Variants in AMZ1 observed in about 807,000 individuals in gnomAD.
The protein encoded by AMZ1 is archaemetzincin-1.
AMZ1 carries 39 observed loss-of-function variants against 29.9 expected under a neutral mutation model. That is an observed-to-expected ratio of 1.30 (90% CI 1.01 to 1.70). The LOEUF (loss-of-function observed/expected upper bound fraction) is 1.70, where lower values mean the gene tolerates loss of function less well. AMZ1 is among the 40% of genes most tolerant of loss of function. The pLI is 0.00. For synonymous variants in AMZ1, 458 were observed against 304.0 expected (o/e 1.51, Z -5.27); for missense variants, 1,041 against 680.6 (o/e 1.53, Z -5.89).
chr7:2,709,055 TTCTCTCCA>T lies in AMZ1; in HGVS notation c.602-13_602-6del, dbSNP rs1788564688. On this transcript the variant is annotated splice_polypyrimidine_tract_variant and intron_variant, in intron 4 of 6. Coordinates refer to ENST00000683327, the MANE Select transcript of AMZ1 (RefSeq NM_001384743.1). ...CCAAGGCTGACCCCTGAGAGTGCCC[TTCTCTCCA>T]TCTCTCTCCAGAAGTGGGCGTCTGC... 1 of 1,552,740 alleles carries T rather than the reference TTCTCTCCA, an allele frequency of 6.4e-7. No homozygotes were observed.
At chr7:2,695,268 C>T (rs1448247698) in intron 1 of AMZ1, among the ~76,000 whole-genome samples, 1 of 152,160 alleles carries the variant, frequency 6.6e-6, no homozygotes, top group Non-Finnish European at 1.5e-5. Flanking sequence ...GCCAGGACTG[C>T]CCTGTGCACT....
chr7:2,690,124 G>A (rs773304948), intron 1 of AMZ1, among the ~76,000 whole-genome samples: 14 of 152,220 alleles, frequency 9.2e-5, no homozygotes, highest in Non-Finnish European at 1.6e-4. Flanking sequence ...GATGGAGGGA[G>A]CTAAGCGTTC....
At chr7:2,763,030 GGA>G, upstream of AMZ1, 1 of 1,260,876 alleles carries the variant, frequency 7.9e-7, no homozygotes, top group Non-Finnish European at 1.0e-6. Flanking sequence ...CACTGGCCCA[GGA>G]CTCAGCGTGC....
exon 1 of AMZ1, chr7:2,764,867 A>C (rs929149362): frequency 6.6e-6 from 1 of 152,224 alleles, no homozygotes; most frequent in African/African-American, 2.4e-5. Flanking sequence ...TTAGTGAATG[A>C]GGTCCTCAGA....
At chr7:2,752,651 C>T (rs540841295) in intron 4 of AMZ1, among the ~76,000 whole-genome samples, 1 of 152,324 alleles carries the variant, frequency 6.6e-6, no homozygotes, top group Admixed American at 6.5e-5. Context: ...GTTTTACATA[C>T]TGCCAATAAC....
chr7:2,721,874 T>TTAAAC (rs1188370501), downstream of AMZ1, among the ~76,000 whole-genome samples: 1 of 152,136 alleles, frequency 6.6e-6, no homozygotes, highest in African/African-American at 2.4e-5. Flanking sequence ...ACAAAACATG[T>TTAAAC]TAAACTAACC....
chr7:2,732,922 A>G (rs1789973926), intron 4 of AMZ1, among the ~76,000 whole-genome samples: 1 of 152,262 alleles, frequency 6.6e-6, no homozygotes, highest in Admixed American at 6.5e-5. Context: ...ATCAACATGA[A>G]AACATTAATG....
At chr7:2,725,235 C>T (rs569771200) in intron 4 of AMZ1, among the ~76,000 whole-genome samples, 19 of 152,328 alleles carry the variant, frequency 1.2e-4, no homozygotes, top group East Asian at 9.6e-4. Flanking sequence ...CTCAGGTCCT[C>T]CGGGTTCAGG....
At chr7:2,705,160 T>C (rs1009496625) in intron 3 of AMZ1, among the ~76,000 whole-genome samples, 2 of 152,246 alleles carry the variant, frequency 1.3e-5, no homozygotes, top group Non-Finnish European at 2.9e-5. Context: ...TTTTTCACCA[T>C]AGAGGATTTT....
At position 2,716,450 on chromosome 7, in the gene AMZ1, C is replaced by T. The variant is rs751344402; in HGVS notation, c.*3572C>T. 1.2e-4 allele frequency: 19 copies of T among 152,206 alleles called. No individual in the cohort carries two copies. The highest frequency in any genetic ancestry group is 4.6e-4 in the African/African-American group (19 of 41,438). 9.4% of individuals were successfully genotyped at this position (152,206 alleles called of 1,614,324 possible). On this transcript the variant is annotated 3_prime_UTR_variant, in exon 7 of 7. Transcript: ENST00000683327. ...AGCATGGGTGAGGAGGGAGGGATGCCGACCTGTTAATATTTGCTTCAGACC... is the reference window on the plus strand; with the variant it reads ...AGCATGGGTGAGGAGGGAGGGATGCTGACCTGTTAATATTTGCTTCAGACC...
intron 4 of AMZ1, among the ~76,000 whole-genome samples, chr7:2,740,259 T>G (rs1790431707): frequency 6.6e-6 from 1 of 152,196 alleles, no homozygotes; most frequent in African/African-American, 2.4e-5. Context: ...GCTCCCAGAA[T>G]TCCCATGTGG....
At chr7:2,686,728 T>C (rs1222013843), upstream of AMZ1, among the ~76,000 whole-genome samples, 1 of 152,002 alleles carries the variant, frequency 6.6e-6, no homozygotes, top group Non-Finnish European at 1.5e-5. Flanking sequence ...CTCTCTTTTT[T>C]TTTTGAAACA....
chr7:2,694,275 C>G (rs1583147913), intron 1 of AMZ1, among the ~76,000 whole-genome samples: 1 of 152,174 alleles, frequency 6.6e-6, no homozygotes, highest in East Asian at 1.9e-4. Flanking sequence ...GCCGCTGGAG[C>G]TGGGACATGT....
At chr7:2,680,484 G>A (rs913583113) in intron 1 of AMZ1, among the ~76,000 whole-genome samples, 2 of 152,314 alleles carry the variant, frequency 1.3e-5, no homozygotes, top group African/African-American at 2.4e-5. Flanking sequence ...TCAAGAGGGA[G>A]CCGGGCACGT....
chr7:2,712,668 G>C lies in AMZ1; in HGVS notation c.1287G>C (p.Gln429His). 6.2e-7 allele frequency: 1 copy of C among 1,613,054 alleles called. No individual in the cohort carries two copies. ...AAGTGGCAGAGGAGGACCTGGTGCA[G>C]GTGGACAGAGCCGTGGACGCCCTCG... ...QREVAEEDLV[Q>H]VDRAVDALDR... The change falls in exon 7 of 7, where the codon CAG (glutamine) becomes CAC (histidine). Residue 429 changes from glutamine (Q) to histidine (H), a missense_variant. Gln to His is a conservative substitution (Grantham distance 24, BLOSUM62 0). Coordinates refer to ENST00000683327, the MANE Select transcript of AMZ1 (RefSeq NM_001384743.1).
chr7:2,682,052 G>A (rs114521176), intron 1 of AMZ1, among the ~76,000 whole-genome samples: 3 of 152,140 alleles, frequency 2.0e-5, no homozygotes, highest in Non-Finnish European at 4.4e-5. Flanking sequence ...AGCTCCAGCC[G>A]CTCTGGCTGC....
chr7:2,733,843 C>G (rs540922494), intron 4 of AMZ1, among the ~76,000 whole-genome samples: 2 of 152,324 alleles, frequency 1.3e-5, no homozygotes, highest in South Asian at 4.1e-4. Context: ...ATGCGGCCAG[C>G]AAAGGACAGG....
At chr7:2,698,664 C>T (rs995162571) in intron 1 of AMZ1, among the ~76,000 whole-genome samples, 1 of 152,006 alleles carries the variant, frequency 6.6e-6, no homozygotes, top group African/African-American at 2.4e-5. Context: ...TAGTGAGACC[C>T]CCGTCTCTAC....
chr7:2,705,509 G>T (rs1035192680), intron 3 of AMZ1, among the ~76,000 whole-genome samples: 1 of 152,102 alleles, frequency 6.6e-6, no homozygotes, highest in Admixed American at 6.5e-5. Flanking sequence ...CCCCTCTACC[G>T]GCCACCAAAC....
Sources: allele counts gnomAD v4.1 joint callset (sites outside exome capture counted in the v4.1 genomes callset), GRCh38; gene constraint gnomAD v4.1.1; transcripts MANE v1.5; gene names NCBI Gene and HGNC (gene_info 2026-07-23, HGNC 2026-07-21).